Variants in FRYL observed in about 807,000 individuals in gnomAD.
FRYL encodes protein furry homolog-like.
FRYL carries 150 observed loss-of-function variants against 351.2 expected under a neutral mutation model. The ratio of observed to expected loss-of-function variants is 0.43; its 90% CI spans 0.37 to 0.49. The LOEUF is 0.49. FRYL is among the 20% of genes least tolerant of loss of function. FRYL has a pLI of 0.00. For missense variants in FRYL, 3,036 were observed against 3,619.3 expected (o/e 0.84, Z 4.13); for synonymous variants, 1,153 against 1,257.1 (o/e 0.92, Z 1.75).
intron 53 of FRYL, among the ~76,000 whole-genome samples, chr4:48,524,644 C>T (rs1270059507): frequency 6.6e-6 from 1 of 152,060 alleles, no homozygotes; most frequent in Non-Finnish European, 1.5e-5. Context: ...GATAAATTAG[C>T]GTGCTCCACC....
At chr4:48,573,137 G>T (rs377596595) in intron 26 of FRYL, 49 bp downstream of exon 26, 467 of 1,377,928 alleles carry the variant, frequency 3.4e-4, no homozygotes, top group Non-Finnish European at 4.6e-4. Context: ...ATGTAAATAT[G>T]GCAGAAAAAT....
intron 3 of FRYL, among the ~76,000 whole-genome samples, chr4:48,643,623 T>A (rs1755760098): frequency 6.6e-6 from 1 of 152,130 alleles, no homozygotes; most frequent in South Asian, 2.1e-4. Flanking sequence ...ATCCTGGAGA[T>A]GATAAGTAAA....
intron 4 of FRYL, among the ~76,000 whole-genome samples, chr4:48,626,516 T>C (rs1156346794): frequency 3.3e-5 from 5 of 152,070 alleles, no homozygotes; most frequent in African/African-American, 9.7e-5. Context: ...ATAGCATGTA[T>C]GATGTGATTC....
intron 1 of FRYL, among the ~76,000 whole-genome samples, chr4:48,773,725 A>G (rs1483260033): frequency 1.3e-5 from 2 of 152,214 alleles, no homozygotes; most frequent in African/African-American, 4.8e-5. Flanking sequence ...TAGGAGTTCA[A>G]GATCAGCCTA....
intron 2 of FRYL, 93 bp from the exon 3 acceptor site, chr4:48,684,888 A>G (rs189470144): frequency 3.5e-4 from 53 of 152,340 alleles, no homozygotes; most frequent in African/African-American, 1.2e-3. Flanking sequence ...TATACATTTT[A>G]TACACCAGTG....
intron 5 of FRYL, among the ~76,000 whole-genome samples, chr4:48,621,731 T>C (rs190635255): frequency 1.2e-4 from 18 of 152,298 alleles, no homozygotes; most frequent in South Asian, 1.0e-3. Flanking sequence ...CCTCTGTAAA[T>C]TGAACATTTA....
At chr4:48,767,443 A>G (rs1373199057) in intron 1 of FRYL, among the ~76,000 whole-genome samples, 1 of 152,194 alleles carries the variant, frequency 6.6e-6, no homozygotes, top group Non-Finnish European at 1.5e-5. Context: ...AAGCCAAACC[A>G]TATCATGCAC....
At chr4:48,505,447 C>A in intron 60 of FRYL, 100 bp downstream of exon 60, 4 of 715,540 alleles carry the variant, frequency 5.6e-6, no homozygotes, top group East Asian at 2.9e-5. Flanking sequence ...TACAAATATT[C>A]TTTATTTTTA....
intron 55 of FRYL, among the ~76,000 whole-genome samples, chr4:48,519,449 C>T (rs1392351225): frequency 1.3e-5 from 2 of 151,910 alleles, no homozygotes; most frequent in Non-Finnish European, 2.9e-5. Flanking sequence ...TTTCATAAAG[C>T]CTTGAACCTA....
chr4:48,608,393 G>A (rs531287252), intron 9 of FRYL, among the ~76,000 whole-genome samples: 1 of 152,130 alleles, frequency 6.6e-6, no homozygotes, highest in African/African-American at 2.4e-5. Flanking sequence ...AGTAACAAAG[G>A]AAATCCAAAA....
chr4:48,508,432 A>ATATT (rs977163357), intron 59 of FRYL, among the ~76,000 whole-genome samples: 2 of 152,292 alleles, frequency 1.3e-5, no homozygotes, highest in African/African-American at 4.8e-5. Context: ...ATTTTTCTCA[A>ATATT]TATTTGCAGT....
intron 3 of FRYL, among the ~76,000 whole-genome samples, chr4:48,656,151 C>T (rs1267553489): frequency 7.6e-6 from 1 of 130,992 alleles, no homozygotes; most frequent in Non-Finnish European, 1.5e-5. Context: ...CATTATAAAA[C>T]GTATATAATT....
intron 1 of FRYL, among the ~76,000 whole-genome samples, chr4:48,775,694 T>C (rs558330355): frequency 1.3e-5 from 2 of 152,360 alleles, no homozygotes; most frequent in Admixed American, 6.5e-5. Context: ...AAAGCAATTT[T>C]TAATCCTCTC....
At chr4:48,517,557 C>A (rs990661626) in intron 55 of FRYL, among the ~76,000 whole-genome samples, 1 of 152,144 alleles carries the variant, frequency 6.6e-6, no homozygotes, top group Non-Finnish European at 1.5e-5. Flanking sequence ...TGCTTTGTTA[C>A]AAAGATTTCT....
chr4:48,572,699 T>C (rs1738615336), intron 26 of FRYL, among the ~76,000 whole-genome samples: 1 of 152,222 alleles, frequency 6.6e-6, no homozygotes, highest in Admixed American at 6.5e-5. Flanking sequence ...ACTGGACCTA[T>C]AGTTTCTGAA....
At chr4:48,528,387 G>T (rs1458902144) in intron 50 of FRYL, 51 bp from the exon 51 acceptor site, 3 of 1,491,902 alleles carry the variant, frequency 2.0e-6, no homozygotes, top group Non-Finnish European at 2.7e-6. Flanking sequence ...CAACATAAAA[G>T]AAACTTAAAA....
rs1324416624 is a variant in FRYL at position 48,528,064 on chromosome 4, T to A, written c.7066-19A>T. The A allele has an allele frequency of 6.5e-6, 10 of 1,532,744 alleles. No homozygotes were observed. In the South Asian group the frequency reaches 7.5e-5, roughly 11 times the overall value. The allele number at this position is 1,532,744 out of a possible 1,614,324, so 94.9% of individuals were successfully genotyped here. ...TTCTTCGCTAAAGGAAAAAAAAAAA[T>A]TAAAATGTTAGGACTGCTGATAAAA... is the stretch of plus-strand genomic sequence containing the variant. On this transcript the variant is annotated intron_variant, in intron 51 of 63. Coordinates refer to ENST00000358350, the MANE Select transcript of FRYL (RefSeq NM_015030.2).
chr4:48,734,803 T>C (rs1771125838), intron 1 of FRYL, among the ~76,000 whole-genome samples: 1 of 152,350 alleles, frequency 6.6e-6, no homozygotes, highest in South Asian at 2.1e-4. Context: ...TAGGGAATCC[T>C]TTCCCCATTG....
intron 3 of FRYL, among the ~76,000 whole-genome samples, chr4:48,658,609 C>G (rs1209209540): frequency 6.6e-5 from 9 of 136,142 alleles, no homozygotes; most frequent in Admixed American, 1.5e-4. Context: ...AAAAAAATTG[C>G]CAGGTGTGGT....
Sources: allele counts gnomAD v4.1 joint callset (sites outside exome capture counted in the v4.1 genomes callset), GRCh38; gene constraint gnomAD v4.1.1; transcripts MANE v1.5; gene names NCBI Gene and HGNC (gene_info 2026-07-23, HGNC 2026-07-21).